Variants in TBC1D20 observed in about 807,000 individuals in gnomAD.
The protein encoded by TBC1D20 is chromosome 20 open reading frame 140.
A neutral mutation model predicts 41.6 loss-of-function variants in TBC1D20; 12 were observed. The ratio of observed to expected loss-of-function variants is 0.29; its 90% CI spans 0.18 to 0.47. The LOEUF (loss-of-function observed/expected upper bound fraction) is 0.47. Among genes scored for constraint, TBC1D20 ranks in the 20% least tolerant of loss-of-function variants. The probability of loss-of-function intolerance (pLI) is 1.00; values close to 1 mark genes in which losing one functional copy is unlikely to be tolerated. For missense variants in TBC1D20, 421 were observed against 517.4 expected, an observed-to-expected ratio of 0.81 and a Z score of 1.81; for synonymous variants, 205 against 204.8, an observed-to-expected ratio of 1.00 and a Z score of -0.01.
intron 1 of TBC1D20, among the ~76,000 whole-genome samples, chr20:455,314 A>C (rs1201719825): frequency 6.6e-6 from 1 of 152,140 alleles, no homozygotes; most frequent in Non-Finnish European, 1.5e-5. Flanking sequence ...TTAAATGGTT[A>C]CCTACCTAGA....
chr20:458,486 C>T (rs2047096866), intron 1 of TBC1D20, among the ~76,000 whole-genome samples: 1 of 151,802 alleles, frequency 6.6e-6, no homozygotes, highest in South Asian at 2.1e-4. Context: ...CTAATTTTTG[C>T]GTATATATAT....
rs2017194837 is a variant in TBC1D20 at position 439,993 on chromosome 20, A to G, written c.768+255T>C. Among the ~76,000 whole-genome samples the G allele has an allele frequency of 6.6e-6, 1 of 152,244 alleles. No individual in the cohort carries two copies. Among genetic ancestry groups the G allele is most frequent in the Non-Finnish European group, 1.5e-5 (1 of 68,046 alleles). On this transcript the variant is annotated intron_variant, in intron 6 of 7. Transcript: ENST00000354200. This position sits in a 1 kb window ranked among gnomAD's most constrained non-coding sequence, Gnocchi z 4.6. ...GGAACCCTGACAATTCACAATGCAG[A>G]TTAGCATTTTAAAGGTTCAGAAGTG...
chr20:441,470 C>T (rs1346493970), intron 5 of TBC1D20, 118 bp downstream of exon 5: 3 of 880,652 alleles, frequency 3.4e-6, no homozygotes, highest in African/African-American at 3.3e-5. Context: ...CTGGGGAGAA[C>T]TTAACAAATC....
At chr20:455,089 G>T (rs1244198559) in intron 1 of TBC1D20, among the ~76,000 whole-genome samples, 1 of 152,192 alleles carries the variant, frequency 6.6e-6, no homozygotes, top group Non-Finnish European at 1.5e-5. Flanking sequence ...ATGTGCAATT[G>T]GAAGTGCGAC....
At chr20:455,096 C>T (rs528059296) in intron 1 of TBC1D20, among the ~76,000 whole-genome samples, 5 of 152,258 alleles carry the variant, frequency 3.3e-5, no homozygotes, top group East Asian at 3.9e-4. Context: ...ATTGGAAGTG[C>T]GACAGAAAGA....
At chr20:449,576 A>C (rs892961150) in intron 1 of TBC1D20, among the ~76,000 whole-genome samples, 43 of 152,030 alleles carry the variant, frequency 2.8e-4, no homozygotes, top group Non-Finnish European at 5.1e-4. Context: ...AGCCTGGGCG[A>C]CAAAGTGAGA....
rs758233100 is a variant in TBC1D20 at position 445,077 on chromosome 20, G to A, written c.310C>T (p.Arg104Trp). The A allele has an allele frequency of 1.0e-5, 16 of 1,605,656 alleles. No homozygotes were observed. Among genetic ancestry groups the A allele is most frequent in the South Asian group, 4.5e-5 (4 of 89,782 alleles). Residue 104 changes from arginine (R) to tryptophan (W), a missense_variant, in exon 3 of 8, where the codon CGG becomes TGG. By Grantham distance (101) the Arg-to-Trp change is moderately radical. This residue lies in a region of TBC1D20 where 150 missense variants were observed against 151.3 expected (regional missense o/e 0.99). Coordinates refer to ENST00000354200, the MANE Select transcript of TBC1D20 (RefSeq NM_144628.4). ...GGAGGGAACCGCCGCAATGACCGCC[G>A]GACGTCCAGCAACACTTGTTGGTAG... ...KDYQQVLLDV[R>W]RSLRRFPPGM...
Position 439,199 on chromosome 20 carries a change from C to T in TBC1D20, c.865G>A (p.Glu289Lys). ...LSQIPQDLPY[E>K]TLISRAGDLF... ...TCTCCTGCTCTGCTGATCAGTGTCTCATAGGGCAAGTCCTGAGGGATCTGG... is the reference window on the plus strand; with the variant it reads ...TCTCCTGCTCTGCTGATCAGTGTCTTATAGGGCAAGTCCTGAGGGATCTGG... Residue 289 changes from glutamate to lysine, a missense_variant, in exon 7 of 8, where the codon GAG becomes AAG. Coordinates refer to ENST00000354200, the MANE Select transcript of TBC1D20 (RefSeq NM_144628.4). The surrounding 1 kb of genome is among the most constrained non-coding windows in gnomAD (Gnocchi z 4.6). 1 of 1,614,228 alleles carries T rather than the reference C, an allele frequency of 6.2e-7. No individual in the cohort carries two copies. Among genetic ancestry groups the T allele is most frequent in the Non-Finnish European group, 8.5e-7 (1 of 1,180,040 alleles).
At chr20:449,423 C>T (rs1282010391) in intron 1 of TBC1D20, among the ~76,000 whole-genome samples, 1 of 150,882 alleles carries the variant, frequency 6.6e-6, no homozygotes, top group Admixed American at 6.6e-5. Flanking sequence ...GGCAAAACCT[C>T]ATCTCTACTA....
rs1054859080 is a variant in TBC1D20 at position 438,838 on chromosome 20, C to G, written c.960G>C (p.Thr320=). The change falls in exon 8 of 8, where the codon ACG becomes ACC. Residue 320 remains threonine (T), a synonymous_variant. Transcript: ENST00000354200. ...EAAAQQQAER[T]AASTFKDFEL... is the part of the protein sequence containing the mutation. ...CAAAGTCTTTGAAAGTAGAGGCTGC[C>G]GTCCTGCAGGGGAAAGAGACGGAAG... is the stretch of plus-strand genomic sequence containing the variant. 4 of 1,612,226 alleles carry G rather than the reference C, an allele frequency of 2.5e-6. No homozygotes were observed. In the Admixed American group the frequency reaches 6.7e-5, roughly 27 times the overall value.
At chr20:460,618 T>C (rs140711002) in intron 1 of TBC1D20, among the ~76,000 whole-genome samples, 121 of 152,246 alleles carry the variant, frequency 7.9e-4, no homozygotes, top group Middle Eastern at 3.4e-3. Context: ...GCAAAGATTC[T>C]GTTAACTACC....
chr20:451,918 G>T (rs1036433370), intron 1 of TBC1D20, among the ~76,000 whole-genome samples: 2 of 152,096 alleles, frequency 1.3e-5, no homozygotes, highest in African/African-American at 4.8e-5. Flanking sequence ...AATCTTATTT[G>T]GAATTGAATT....
intron 1 of TBC1D20, among the ~76,000 whole-genome samples, chr20:453,540 A>ATTTTTTTTT (rs1157479385): frequency 1.9e-5 from 2 of 105,812 alleles, no homozygotes; most frequent in African/African-American, 7.8e-5. Flanking sequence ...GTAATCCAGC[A>ATTTTTTTTT]TTTTTTTTTT....
intron 1 of TBC1D20, among the ~76,000 whole-genome samples, chr20:457,742 T>C (rs1159420315): frequency 6.6e-6 from 1 of 151,760 alleles, no homozygotes; most frequent in Non-Finnish European, 1.5e-5. Context: ...CGCAAAGGAG[T>C]CTGGGTTTAT....
intron 1 of TBC1D20, 58 bp from the exon 2 acceptor site, chr20:448,132 C>T (rs1355589400): frequency 1.5e-6 from 2 of 1,301,886 alleles, no homozygotes; most frequent in East Asian, 2.3e-5. Context: ...TATTTTCTGC[C>T]TAGGACTCAA....
chr20:449,545 A>G (rs73602114), intron 1 of TBC1D20, among the ~76,000 whole-genome samples: 7 of 151,562 alleles, frequency 4.6e-5, no homozygotes, highest in African/African-American at 4.8e-5. Flanking sequence ...GCAGTGAGCC[A>G]AGATCGTGCC....
At chr20:457,642 CAA>C (rs1266389519) in intron 1 of TBC1D20, among the ~76,000 whole-genome samples, 2 of 152,190 alleles carry the variant, frequency 1.3e-5, no homozygotes, top group Non-Finnish European at 2.9e-5. Context: ...GTCCAGGAAA[CAA>C]AGAGTTCTAT....
chr20:462,372 TG>T lies in TBC1D20; in HGVS notation c.33del (p.Thr12ProfsTer29). On this transcript the variant is annotated frameshift_variant, in exon 1 of 8. Coordinates refer to ENST00000354200, the MANE Select transcript of TBC1D20 (RefSeq NM_144628.4). LOFTEE classifies it high-confidence loss of function. MALRSAQGDG[P>X]TSGHWDGGAE... is the part of the protein sequence containing the mutation. ...GCGCCGCCGTCCCAGTGGCCGGAGGTGGGGCCGTCGCCCTGCGCACTCCGGA... is the reference window on the plus strand; with the variant it reads ...GCGCCGCCGTCCCAGTGGCCGGAGGTGGGCCGTCGCCCTGCGCACTCCGGA... The T allele has an allele frequency of 1.5e-6, 2 of 1,304,078 alleles. No homozygotes were observed. The highest frequency in any genetic ancestry group is 9.8e-7 in the Non-Finnish European group (1 of 1,016,918). The allele number at this position is 1,304,078 out of a possible 1,614,324, so 80.8% of individuals were successfully genotyped here. A position where few individuals can be genotyped will look rare whatever the true frequency, so the allele number is the denominator to read the frequency against.
At chr20:458,336 C>T (rs2017576592) in intron 1 of TBC1D20, among the ~76,000 whole-genome samples, 1 of 146,600 alleles carries the variant, frequency 6.8e-6, no homozygotes, top group African/African-American at 2.5e-5. Context: ...TTTTTAGAGA[C>T]AGGGTCTTAC....
Sources: allele counts gnomAD v4.1 joint callset (sites outside exome capture counted in the v4.1 genomes callset), GRCh38; gene constraint gnomAD v4.1.1; regional missense constraint gnomAD v4.1.1; non-coding constraint Gnocchi (gnomAD v3.1); transcripts MANE v1.5; gene names NCBI Gene and HGNC (gene_info 2026-07-23, HGNC 2026-07-21).